DPYS: variants seen among roughly 807,000 people sequenced by gnomAD.
The protein encoded by DPYS is dihydropyrimidine amidohydrolase.
DPYS carries 39 observed loss-of-function variants against 50.3 expected under a neutral mutation model. The ratio of observed to expected loss-of-function variants is 0.78; its 90% CI spans 0.60 to 1.01. The LOEUF (loss-of-function observed/expected upper bound fraction) is 1.01, where lower values mean the gene tolerates loss of function less well. Ranked by LOEUF, DPYS falls within the 50% of genes least tolerant of loss-of-function variation. DPYS has a pLI of 0.00. For synonymous variants in DPYS, 245 were observed against 250.7 expected (o/e 0.98, Z 0.22); for missense variants, 659 against 680.9 (o/e 0.97, Z 0.36).
chr8:104,390,069 G>T (rs1811341174), intron 8 of DPYS, among the ~76,000 whole-genome samples: 1 of 152,124 alleles, frequency 6.6e-6, no homozygotes. Flanking sequence ...GGTCTATCAG[G>T]GTTCCCTGTT....
intron 9 of DPYS, chr8:104,380,389 A>T (rs1354866944): frequency 2.0e-5 from 3 of 152,674 alleles, no homozygotes; most frequent in African/African-American, 7.2e-5. Flanking sequence ...GTCTGAAAAG[A>T]TATCACACGT....
At chr8:104,390,654 C>G (rs1306233914) in intron 8 of DPYS, among the ~76,000 whole-genome samples, 1 of 152,028 alleles carries the variant, frequency 6.6e-6, no homozygotes, top group Non-Finnish European at 1.5e-5. Flanking sequence ...TGCGCTGCCA[C>G]GCCCAACTAA....
intron 7 of DPYS, 46 bp from the exon 8 acceptor site, chr8:104,393,037 C>T (rs1319606071): frequency 7.1e-6 from 11 of 1,541,928 alleles, no homozygotes; most frequent in South Asian, 3.4e-5. Context: ...ATCACCAGCT[C>T]ACTTGATAAA....
chr8:104,451,374 T>C lies in DPYS; in HGVS notation c.295A>G (p.Ile99Val), dbSNP rs931383301. 2.5e-6 allele frequency: 4 copies of C among 1,614,074 alleles called. No homozygotes were observed. In the African/African-American group the frequency reaches 5.3e-5, roughly 22 times the overall value. The change falls in exon 2 of 10, where the codon ATT becomes GTT. Residue 99 changes from isoleucine to valine, a missense_variant. By Grantham distance (29) the Ile-to-Val change is conservative (BLOSUM62 3). Coordinates refer to ENST00000351513, the MANE Select transcript of DPYS (RefSeq NM_001385.3). ...CCTTTCTGAGGAATGGCGAAATCAA[T>C]AATCATGGTGGTGCCTCCTGAGAGA... Reference protein sequence around the residue: ...AALSGGTTMIIDFAIPQKGGS... With the variant: ...AALSGGTTMIVDFAIPQKGGS...
At chr8:104,449,364 C>T (rs1236792659) in intron 2 of DPYS, among the ~76,000 whole-genome samples, 1 of 152,234 alleles carries the variant, frequency 6.6e-6, no homozygotes, top group African/African-American at 2.4e-5. Context: ...CTGCCATCCA[C>T]ATCCATGGAA....
At chr8:104,403,310 TCC>T (rs1222160832) in intron 7 of DPYS, among the ~76,000 whole-genome samples, 1 of 152,192 alleles carries the variant, frequency 6.6e-6, no homozygotes. Flanking sequence ...ATGGTTCCCT[TCC>T]ATGACCCATG....
chr8:104,447,240 G>C, intron 3 of DPYS, 84 bp downstream of exon 3: 1 of 1,517,754 alleles, frequency 6.6e-7, no homozygotes, highest in Non-Finnish European at 9.1e-7. Context: ...CATTAAATGA[G>C]TTTACCTATG....
At chr8:104,412,879 C>CCG (rs1431984072) in intron 7 of DPYS, among the ~76,000 whole-genome samples, 2 of 152,340 alleles carry the variant, frequency 1.3e-5, no homozygotes, top group Admixed American at 6.5e-5. Context: ...TACTATGTCT[C>CCG]TGGCACATGG....
intron 8 of DPYS, among the ~76,000 whole-genome samples, chr8:104,392,467 T>A (rs1811421027): frequency 6.6e-6 from 1 of 152,194 alleles, no homozygotes; most frequent in South Asian, 2.1e-4. Context: ...ATAAAACTCA[T>A]ACACCTTTAT....
intron 1 of DPYS, among the ~76,000 whole-genome samples, chr8:104,465,859 G>A (rs1188833443): frequency 6.6e-6 from 1 of 152,084 alleles, no homozygotes; most frequent in Non-Finnish European, 1.5e-5. Flanking sequence ...ACCTTCACCT[G>A]GGGAGTGGTG....
chr8:104,411,535 C>T (rs1004730544), intron 7 of DPYS, among the ~76,000 whole-genome samples: 5 of 151,974 alleles, frequency 3.3e-5, no homozygotes, highest in African/African-American at 1.2e-4. Context: ...GAAAATATAA[C>T]AAAAACGTGA....
intron 7 of DPYS, among the ~76,000 whole-genome samples, chr8:104,398,055 A>G (rs1333772892): frequency 6.6e-6 from 1 of 152,248 alleles, no homozygotes; most frequent in Non-Finnish European, 1.5e-5. Context: ...ACATCTTTGT[A>G]AGGACATCTG....
chr8:104,459,794 C>T (rs974606080), intron 1 of DPYS, among the ~76,000 whole-genome samples: 1 of 152,176 alleles, frequency 6.6e-6, no homozygotes, highest in Non-Finnish European at 1.5e-5. Context: ...TGACACCATA[C>T]CTAAATAGAC....
intron 7 of DPYS, among the ~76,000 whole-genome samples, chr8:104,413,940 T>C (rs1048591193): frequency 1.3e-5 from 2 of 152,138 alleles, no homozygotes; most frequent in African/African-American, 4.8e-5. Context: ...TTGCTACTCA[T>C]GGGCCTAAGG....
intron 1 of DPYS, among the ~76,000 whole-genome samples, chr8:104,464,305 GA>G (rs1459525204): frequency 6.6e-6 from 1 of 152,184 alleles, no homozygotes; most frequent in Non-Finnish European, 1.5e-5. Context: ...AATGGCTAAG[GA>G]AAAGATAGAA....
intron 7 of DPYS, among the ~76,000 whole-genome samples, chr8:104,403,995 A>C (rs1811911586): frequency 6.6e-6 from 1 of 152,178 alleles, no homozygotes. Context: ...GTCACAGCTG[A>C]AGGGGCACTC....
intron 5 of DPYS, among the ~76,000 whole-genome samples, chr8:104,428,476 C>T (rs1178218779): frequency 6.6e-6 from 1 of 152,198 alleles, no homozygotes; most frequent in Non-Finnish European, 1.5e-5. Flanking sequence ...TCAGAATCAC[C>T]AGCAAATATG....
chr8:104,439,830 T>C (rs1171630841), intron 4 of DPYS, among the ~76,000 whole-genome samples: 2 of 152,282 alleles, frequency 1.3e-5, no homozygotes, highest in Non-Finnish European at 2.9e-5. Context: ...AAACTTGATA[T>C]CCAGGTTTTC....
chr8:104,459,406 C>CAAATA (rs1214421976), intron 1 of DPYS, among the ~76,000 whole-genome samples: 2 of 152,192 alleles, frequency 1.3e-5, no homozygotes, highest in Admixed American at 6.5e-5. Flanking sequence ...AGTCTGTTTA[C>CAAATA]CGCTGAGAAC....
Sources: allele counts gnomAD v4.1 joint callset (sites outside exome capture counted in the v4.1 genomes callset), GRCh38; gene constraint gnomAD v4.1.1; transcripts MANE v1.5; gene names NCBI Gene and HGNC (gene_info 2026-07-23, HGNC 2026-07-21).